The following RIMBP2 variants were observed in gnomAD, a reference collection of about 807,000 sequenced individuals.
The protein encoded by RIMBP2 is RIMS-binding protein 2.
RIMBP2 carries 48 observed loss-of-function variants against 118.6 expected under a neutral mutation model. The ratio of observed to expected loss-of-function variants is 0.40; its 90% CI spans 0.32 to 0.51. RIMBP2 has a LOEUF of 0.51. Among genes scored for constraint, RIMBP2 ranks in the 20% least tolerant of loss-of-function variants. The pLI, the probability that RIMBP2 is intolerant of heterozygous loss-of-function variation, is 0.41. For synonymous variants in RIMBP2, 762 were observed against 742.9 expected, an observed-to-expected ratio of 1.03 and a Z score of -0.42; for missense variants, 1,551 against 1,768.3, an observed-to-expected ratio of 0.88 and a Z score of 2.20.
rs751035998 is a variant in RIMBP2 at position 130,576,951 on chromosome 12, G to T, written c.-217+51371C>A. 8.5e-5 allele frequency among the ~76,000 whole-genome samples: 13 copies of T among 152,210 alleles called. No individual in the cohort carries two copies. The highest frequency in any genetic ancestry group is 1.5e-4 in the Non-Finnish European group (10 of 68,034). On this transcript the variant is annotated intron_variant, in intron 2 of 22. Transcript: ENST00000690449. The surrounding 1 kb of genome is among the most constrained non-coding windows in gnomAD (Gnocchi z 4.2). ...AGAGATGGGGACAAAGAGAAGCGAA[G>T]GGGATGGCCCAGACCTTCACAGAGG...
rs183197775 is a variant in RIMBP2 at position 130,665,397 on chromosome 12, C to T, written c.-351-36941G>A. Among the ~76,000 whole-genome samples the T allele has an allele frequency of 1.1e-4, 17 of 151,442 alleles. No individual in the cohort carries two copies. In the East Asian group the frequency reaches 2.9e-3, roughly 26 times the overall value. On this transcript the variant is annotated intron_variant, in intron 1 of 22. Coordinates refer to ENST00000690449, the MANE Select transcript of RIMBP2 (RefSeq NM_001393629.1). ...AAATTTAGCCAGGCACAGTGGAGTGCACCTGTAGTCACAGCTACTTGGGAG... is the reference window on the plus strand; with the variant it reads ...AAATTTAGCCAGGCACAGTGGAGTGTACCTGTAGTCACAGCTACTTGGGAG...
At chr12:130,612,397 G>C (rs1299662711) in intron 2 of RIMBP2, among the ~76,000 whole-genome samples, 1 of 152,104 alleles carries the variant, frequency 6.6e-6, no homozygotes, top group Non-Finnish European at 1.5e-5. Flanking sequence ...TCAGGCCAGG[G>C]GTTGAAAGGT....
intron 6 of RIMBP2, among the ~76,000 whole-genome samples, chr12:130,459,126 C>A (rs2079741664): frequency 1.3e-5 from 2 of 150,156 alleles, no homozygotes; most frequent in East Asian, 2.0e-4. Context: ...CAATAAAGAA[C>A]AGATCAGCGG....
chr12:130,600,481 T>A (rs902143175), intron 2 of RIMBP2, among the ~76,000 whole-genome samples: 15 of 147,080 alleles, frequency 1.0e-4, no homozygotes, highest in Non-Finnish European at 1.9e-4. Context: ...CGGAAGGATG[T>A]CAGCTCCAAC....
At chr12:130,440,300 G>T (rs1168122725) in intron 11 of RIMBP2, among the ~76,000 whole-genome samples, 4 of 152,130 alleles carry the variant, frequency 2.6e-5, no homozygotes, top group African/African-American at 4.8e-5. Context: ...AAGACCATGG[G>T]GGGATGATAC....
chr12:130,428,556 GTC>G (rs1357454721), intron 14 of RIMBP2: 1 of 418,088 alleles, frequency 2.4e-6, no homozygotes, highest in Non-Finnish European at 4.2e-6. Flanking sequence ...ATCAGCGCAG[GTC>G]TCTCAGCTCC....
At chr12:130,474,738 G>C (rs568093979) in intron 5 of RIMBP2, among the ~76,000 whole-genome samples, 1 of 152,316 alleles carries the variant, frequency 6.6e-6, no homozygotes, top group Non-Finnish European at 1.5e-5. Context: ...CTGCAGCATG[G>C]GGAGCGGGAG....
chr12:130,399,690 T>G lies in RIMBP2; in HGVS notation c.3889A>C (p.Lys1297Gln), dbSNP rs201054409. 28 of 1,614,192 alleles carry G rather than the reference T, an allele frequency of 1.7e-5. No homozygotes were observed. Among genetic ancestry groups the G allele is most frequent in the Non-Finnish European group, 2.3e-5 (27 of 1,180,026 alleles). Residue 1297 changes from lysine to glutamine, a missense_variant, in exon 22 of 23, where the codon AAG becomes CAG. By Grantham distance (53) the Lys-to-Gln change is moderately conservative. Transcript: ENST00000690449. ...ATAGGTTTGCTTACCCTTTTTGCCT[T>G]TGAGCGCATTGGCGTATCTTGAGAG... The part of the protein sequence containing the change: ...HYSQDTPMRS[K>Q]AKRVPPEGSG...
chr12:130,414,099 G>A, intron 18 of RIMBP2, 26 bp downstream of exon 18: 1 of 1,612,998 alleles, frequency 6.2e-7, no homozygotes, highest in South Asian at 1.1e-5. Flanking sequence ...GGCTGATGAA[G>A]CCGCCCGCAG....
chr12:130,432,081 G>A (rs969355480), intron 14 of RIMBP2: 3 of 348,704 alleles, frequency 8.6e-6, no homozygotes, highest in Non-Finnish European at 5.6e-6. Flanking sequence ...AAAAACCAGT[G>A]GGGGTATGGG....
At chr12:130,458,431 G>A (rs2079649162) in intron 6 of RIMBP2, among the ~76,000 whole-genome samples, 2 of 152,096 alleles carry the variant, frequency 1.3e-5, no homozygotes, top group African/African-American at 4.8e-5. Context: ...GTGGGATGAC[G>A]ACTTGGCTTC....
At chr12:130,696,594 T>C (rs2065587064) in intron 1 of RIMBP2, among the ~76,000 whole-genome samples, 1 of 152,168 alleles carries the variant, frequency 6.6e-6, no homozygotes, top group African/African-American at 2.4e-5. Flanking sequence ...GAGCCAGAGG[T>C]TCACAAAGCG....
At chr12:130,702,232 T>C (rs1466945249) in intron 1 of RIMBP2, among the ~76,000 whole-genome samples, 2 of 151,988 alleles carry the variant, frequency 1.3e-5, no homozygotes, top group African/African-American at 4.8e-5. Flanking sequence ...TAACCACATG[T>C]GGGACCGGGC....
In RIMBP2 at chr12:130,469,811, G is replaced by A. The variant is rs1156431321; in HGVS notation, c.153+882C>T. On this transcript the variant is annotated intron_variant, in intron 6 of 22. Transcript: ENST00000690449. This position sits in a 1 kb window ranked among gnomAD's most constrained non-coding sequence, Gnocchi z 4.8. Reference sequence around the variant, plus strand: ...GCCTCACTTAAGGGAACATTACCGGGAGGACGCCACCCCAGGGCAGATCCC... The same window carrying A: ...GCCTCACTTAAGGGAACATTACCGGAAGGACGCCACCCCAGGGCAGATCCC... Among the ~76,000 whole-genome samples the A allele has an allele frequency of 2.0e-5, 3 of 152,198 alleles. No homozygotes were observed. Among genetic ancestry groups the A allele is most frequent in the Non-Finnish European group, 2.9e-5 (2 of 68,024 alleles).
chr12:130,504,869 A>T (rs536634485), intron 4 of RIMBP2, among the ~76,000 whole-genome samples: 15 of 152,340 alleles, frequency 9.8e-5, no homozygotes, highest in Non-Finnish European at 1.8e-4. Context: ...CAGTCATATC[A>T]ATCAAACGTG....
intron 2 of RIMBP2, among the ~76,000 whole-genome samples, chr12:130,546,577 G>A (rs1402399246): frequency 1.3e-5 from 2 of 152,124 alleles, no homozygotes; most frequent in Non-Finnish European, 2.9e-5. Context: ...ATTACAGGCT[G>A]AGCCACCGTG....
rs190458470 is a variant in RIMBP2 at position 130,547,701 on chromosome 12, C to T, written c.-216-29784G>A. Among the ~76,000 whole-genome samples the T allele has an allele frequency of 3.0e-3, 462 of 152,298 alleles. 1 individual carries two copies. The highest frequency in any genetic ancestry group is 0.011 in the African/African-American group (443 of 41,568). ...GATCAGGACACGGCTGCATCATTAG[C>T]GATTCCCAACTGGTTCTTCAGTAAC... On this transcript the variant is annotated intron_variant, in intron 2 of 22. Coordinates refer to ENST00000690449, the MANE Select transcript of RIMBP2 (RefSeq NM_001393629.1).
intron 1 of RIMBP2, among the ~76,000 whole-genome samples, chr12:130,672,753 G>A (rs952918947): frequency 6.6e-6 from 1 of 152,214 alleles, no homozygotes; most frequent in African/African-American, 2.4e-5. Context: ...CAGAATGGGT[G>A]TCGCCGGAGC....
At position 130,620,283 on chromosome 12, in the gene RIMBP2, C is replaced by T. The variant is rs1356795053; in HGVS notation, c.-217+8039G>A. ...CAAGGACAAAAAAAAGAACCAGCAGCCAGAGCATGTCTCCCACTCCCTCCC... is the reference window on the plus strand; with the variant it reads ...CAAGGACAAAAAAAAGAACCAGCAGTCAGAGCATGTCTCCCACTCCCTCCC... On this transcript the variant is annotated intron_variant, in intron 2 of 22. Transcript: ENST00000690449. This position sits in a 1 kb window ranked among gnomAD's most constrained non-coding sequence, Gnocchi z 5.3. Among the ~76,000 whole-genome samples, 1 of 152,192 alleles carries T rather than the reference C, an allele frequency of 6.6e-6. No homozygotes were observed.
Sources: allele counts gnomAD v4.1 joint callset (sites outside exome capture counted in the v4.1 genomes callset), GRCh38; gene constraint gnomAD v4.1.1; non-coding constraint Gnocchi (gnomAD v3.1); transcripts MANE v1.5; gene names NCBI Gene and HGNC (gene_info 2026-07-23, HGNC 2026-07-21).